The following INTS2 variants were observed in gnomAD, a reference collection of about 807,000 sequenced individuals.
INTS2 encodes integrator complex subunit 2, also known as KIAA1287.
A neutral mutation model predicts 139.6 loss-of-function variants in INTS2; 57 were observed. The ratio of observed to expected loss-of-function variants is 0.41; its 90% confidence interval spans 0.33 to 0.51. The LOEUF (loss-of-function observed/expected upper bound fraction) is 0.51. INTS2 is among the 20% of genes least tolerant of loss of function. INTS2 has a pLI of 0.28. For synonymous variants in INTS2, 473 were observed against 493.4 expected (o/e 0.96, Z 0.55); for missense variants, 1,196 against 1,436.7 (o/e 0.83, Z 2.71).
Position 61,867,713 on chromosome 17 carries a change from T to C in INTS2, c.3435A>G (p.Ile1145Met), listed in dbSNP as rs768406294. Reference protein sequence around the residue: ...IDPIITRLQQIKEKPSGWSQI... With the variant: ...IDPIITRLQQMKEKPSGWSQI... The stretch of plus-strand genomic sequence containing the variant: ...GAGACCATCCACTTGGTTTCTCCTT[T>C]ATTTGTTGAAGACCTACAACATAAG... The change falls in exon 25 of 25, where the codon ATA (isoleucine) becomes ATG (methionine). Residue 1145 changes from isoleucine (I) to methionine (M), a missense_variant. By Grantham distance (10) the Ile-to-Met change is conservative (BLOSUM62 1). Coordinates refer to ENST00000251334, the MANE Select transcript of INTS2 (RefSeq NM_001351695.2). The surrounding 1 kb of genome is among the most constrained non-coding windows in gnomAD (Gnocchi z 5.6). 7.5e-6 allele frequency: 12 copies of C among 1,598,862 alleles called. No individual in the cohort carries two copies. Among genetic ancestry groups the C allele is most frequent in the Non-Finnish European group, 9.4e-6 (11 of 1,172,804 alleles).
chr17:61,912,507 G>A (rs1029449973), intron 5 of INTS2, among the ~76,000 whole-genome samples: 1 of 151,434 alleles, frequency 6.6e-6, no homozygotes, highest in African/African-American at 2.4e-5. Flanking sequence ...CCTGTAATCC[G>A]AGCTACTCAG....
intron 2 of INTS2, among the ~76,000 whole-genome samples, chr17:61,925,579 AAAAAAT>A (rs907927055): frequency 3.3e-5 from 5 of 151,954 alleles, no homozygotes; most frequent in South Asian, 4.2e-4. Context: ...TCGGTCTAAA[AAAAAAT>A]AAAAATAAAA....
At chr17:61,881,232 C>T (rs917313069) in intron 16 of INTS2, 61 bp from the exon 17 acceptor site, 24 of 1,294,168 alleles carry the variant, frequency 1.9e-5, no homozygotes, top group Non-Finnish European at 2.4e-5. Flanking sequence ...AGCTTCCCCA[C>T]CCCTCTCATT....
At chr17:61,914,511 A>G (rs745463547) in intron 5 of INTS2, among the ~76,000 whole-genome samples, 33 of 152,126 alleles carry the variant, frequency 2.2e-4, no homozygotes, top group Non-Finnish European at 3.8e-4. Context: ...CATCCTGGCT[A>G]ACACGGTGAA....
At chr17:61,926,215 A>G (rs763592982) in intron 2 of INTS2, 137 bp downstream of exon 2, 3 of 649,882 alleles carry the variant, frequency 4.6e-6, no homozygotes, top group Non-Finnish European at 7.8e-6. Context: ...AACTGTAACT[A>G]TATACAGAAA....
Position 61,912,004 on chromosome 17 carries a change from G to A in INTS2, c.716C>T (p.Thr239Ile), listed in dbSNP as rs770391516. Residue 239 changes from threonine to isoleucine, a missense_variant, in exon 6 of 25, where the codon ACA becomes ATA. Physicochemically the swap from Thr to Ile is moderately conservative, Grantham distance 89. Transcript: ENST00000251334. ...DEESLGGRRR[T>I]DALRFLCKMN... ...TTTACACAAGAAGCGTAAGGCATCT[G>A]TCCTGCGCCTTCCTCCAAGACTTTC... The A allele has an allele frequency of 6.2e-7, 1 of 1,613,778 alleles. No homozygotes were observed. The highest frequency in any genetic ancestry group is 8.5e-7 in the Non-Finnish European group (1 of 1,179,760).
At position 61,875,408 on chromosome 17, in the gene INTS2, G is replaced by A. The variant is rs1358960111; in HGVS notation, c.2457-370C>T. On this transcript the variant is annotated intron_variant, in intron 18 of 24. Transcript: ENST00000251334. This position sits in a 1 kb window ranked among gnomAD's most constrained non-coding sequence, Gnocchi z 4.6. ...GTAAAATAGAAATGACATAATACCT[G>A]TAAATGAAATAAGACTTGCCAAAAC... 6.6e-6 allele frequency among the ~76,000 whole-genome samples: 1 copy of A among 152,132 alleles called. No homozygotes were observed.
intron 9 of INTS2, among the ~76,000 whole-genome samples, chr17:61,903,263 C>T (rs2079427834): frequency 6.7e-6 from 1 of 149,682 alleles, no homozygotes; most frequent in South Asian, 2.1e-4. Flanking sequence ...ACTATGTTGC[C>T]CCAGCTGGCC....
chr17:61,896,383 A>G (rs1391559815), intron 11 of INTS2, among the ~76,000 whole-genome samples: 4 of 152,162 alleles, frequency 2.6e-5, no homozygotes, highest in East Asian at 3.8e-4. Context: ...TAAAGATACT[A>G]TAAGATATGT....
At chr17:61,906,223 T>C (rs1018513334) in intron 8 of INTS2, among the ~76,000 whole-genome samples, 11 of 152,178 alleles carry the variant, frequency 7.2e-5, no homozygotes, top group East Asian at 1.9e-4. Flanking sequence ...GAAATGCTCA[T>C]TGGAGCATTA....
At position 61,893,811 on chromosome 17, in the gene INTS2, T is replaced by C; in HGVS notation, c.1652A>G (p.Gln551Arg). ...GGTAAAGGAACGGCTCCTGAGAAGC[T>C]GGTAAATACAATGAATAGGCAAAAA... ...TGFLPIHCIY[Q>R]LLRSRSFTKH... The change falls in exon 13 of 25, where the codon CAG (glutamine) becomes CGG (arginine). Residue 551 changes from glutamine to arginine, a missense_variant. Gln to Arg is a conservative substitution (Grantham distance 43). This residue lies in a region of INTS2 where 1,129 missense variants were observed against 1,341.9 expected (regional missense o/e 0.84). Transcript: ENST00000251334. The surrounding 1 kb of genome is among the most constrained non-coding windows in gnomAD (Gnocchi z 5.4). 6.3e-7 allele frequency: 1 copy of C among 1,586,412 alleles called. No homozygotes were observed. Among genetic ancestry groups the C allele is most frequent in the South Asian group, 1.2e-5 (1 of 86,602 alleles).
chr17:61,910,412 A>T (rs1352378861), intron 7 of INTS2: 1 of 152,160 alleles, frequency 6.6e-6, no homozygotes, highest in Non-Finnish European at 1.5e-5. Context: ...CCTGACCAAC[A>T]TGGCGAAACC....
Position 61,907,580 on chromosome 17 carries a change from G to A in INTS2, c.1009C>T (p.Leu337=). ...GTGGGAAGAATGCCCATCAACTCCA[G>A]AAGAAGCTGCCTTCTCATCTGCCAA... ...VLWQMRRQLL[L]ELMGILPTVR... Residue 337 remains leucine (L), a synonymous_variant, in exon 8 of 25, where the codon CTG becomes TTG. Coordinates refer to ENST00000251334, the MANE Select transcript of INTS2 (RefSeq NM_001351695.2). 1 of 1,593,058 alleles carries A rather than the reference G, an allele frequency of 6.3e-7. No individual in the cohort carries two copies.
At chr17:61,912,385 G>GGC (rs2079536002) in intron 5 of INTS2, among the ~76,000 whole-genome samples, 1 of 107,808 alleles carries the variant, frequency 9.3e-6, no homozygotes, top group African/African-American at 3.8e-5. Flanking sequence ...GGGGGGGGGG[G>GGC]GGTGCGGGGC....
Position 61,915,807 on chromosome 17 carries a change from G to C in INTS2, c.649+3593C>G, listed in dbSNP as rs191364373. On this transcript the variant is annotated intron_variant, in intron 5 of 24. Transcript: ENST00000251334. ...ATTGTGCCACTGGGCGACAGAGCAA[G>C]ACTCTGTCTAAAAAAAAAAAAAAAA... Among the ~76,000 whole-genome samples, 433 of 107,196 alleles carry C rather than the reference G, an allele frequency of 4.0e-3. 2 individuals carry two copies. Among genetic ancestry groups the C allele is most frequent in the Middle Eastern group, 0.016 (2 of 126 alleles). The allele number at this position is 107,196 out of a possible 152,430, so 70.3% of individuals were successfully genotyped here. A position where few individuals can be genotyped will look rare whatever the true frequency, so the allele number is the denominator to read the frequency against.
Position 61,867,924 on chromosome 17 carries a change from A to G in INTS2, c.3330T>C (p.Tyr1110=). The change falls in exon 24 of 25, where the codon TAT becomes TAC. Residue 1110 remains tyrosine (Y), a synonymous_variant. Coordinates refer to ENST00000251334, the MANE Select transcript of INTS2 (RefSeq NM_001351695.2). This position sits in a 1 kb window ranked among gnomAD's most constrained non-coding sequence, Gnocchi z 5.6. ...VSFCRAFPPL[Y]EDIMSLLIQI... ...GGATCAGCAAAGACATAATATCCTCATACAATGGAGGAAATGCTCGACAAA... is the reference window on the plus strand; with the variant it reads ...GGATCAGCAAAGACATAATATCCTCGTACAATGGAGGAAATGCTCGACAAA... The G allele has an allele frequency of 6.2e-7, 1 of 1,612,832 alleles. No individual in the cohort carries two copies. Among genetic ancestry groups the G allele is most frequent in the East Asian group, 2.2e-5 (1 of 44,864 alleles).
intron 9 of INTS2, among the ~76,000 whole-genome samples, chr17:61,901,635 T>G (rs1024241597): frequency 7.5e-6 from 1 of 133,564 alleles, no homozygotes; most frequent in Non-Finnish European, 1.5e-5. Flanking sequence ...AGTCCCGCTC[T>G]GTAGCCCAGG....
Position 61,867,762 on chromosome 17 carries a change from A to T in INTS2, c.3422-36T>A. On this transcript the variant is annotated intron_variant, in intron 24 of 24. Coordinates refer to ENST00000251334, the MANE Select transcript of INTS2 (RefSeq NM_001351695.2). The surrounding 1 kb of genome is among the most constrained non-coding windows in gnomAD (Gnocchi z 5.6). ...AGGGAAAAAAAACATTAAGGCCAAG[A>T]AATTTGGAAAGGAATTTGGCCTTTT... 6.4e-7 allele frequency: 1 copy of T among 1,562,382 alleles called. No individual in the cohort carries two copies. The highest frequency in any genetic ancestry group is 8.6e-7 in the Non-Finnish European group (1 of 1,156,452).
At chr17:61,918,331 TC>T (rs1303494969) in intron 5 of INTS2, among the ~76,000 whole-genome samples, 3 of 152,274 alleles carry the variant, frequency 2.0e-5, no homozygotes, top group African/African-American at 7.2e-5. Flanking sequence ...AACCTCCACC[TC>T]ACAGATTGAA....
Sources: allele counts gnomAD v4.1 joint callset (sites outside exome capture counted in the v4.1 genomes callset), GRCh38; gene constraint gnomAD v4.1.1; regional missense constraint gnomAD v4.1.1; non-coding constraint Gnocchi (gnomAD v3.1); transcripts MANE v1.5; gene names NCBI Gene and HGNC (gene_info 2026-07-23, HGNC 2026-07-21).